PKHD1: variants seen among roughly 807,000 people sequenced by gnomAD.
PKHD1 encodes fibrocystin.
Under a neutral mutation model 412.0 loss-of-function variants are expected in PKHD1, and 291 were observed. The ratio of observed to expected loss-of-function variants is 0.71; its 90% CI spans 0.64 to 0.78. The LOEUF is 0.78. Ranked by LOEUF, PKHD1 falls within the 30% of genes least tolerant of loss-of-function variation. The pLI, the probability that PKHD1 is intolerant of heterozygous loss-of-function variation, is 0.00. For synonymous variants in PKHD1, 1,777 were observed against 1,821.5 expected (o/e 0.98, Z 0.62); for missense variants, 4,825 against 4,950.7 (o/e 0.97, Z 0.76).
At chr6:52,056,616 G>A in intron 18 of PKHD1, 82 bp downstream of exon 18, 1 of 1,061,240 alleles carries the variant, frequency 9.4e-7, no homozygotes, top group Non-Finnish European at 1.5e-6. Flanking sequence ...ACCTTGGAGA[G>A]GAAATGGGGA....
At chr6:51,717,319 G>A (rs1422310504) in intron 60 of PKHD1, among the ~76,000 whole-genome samples, 1 of 151,730 alleles carries the variant, frequency 6.6e-6, no homozygotes, top group East Asian at 1.9e-4. Context: ...GGCTGAGGGA[G>A]AAGGATTTCT....
intron 55 of PKHD1, among the ~76,000 whole-genome samples, chr6:51,755,801 C>T (rs903367996): frequency 4.6e-5 from 7 of 152,132 alleles, no homozygotes; most frequent in African/African-American, 1.7e-4. Flanking sequence ...GGCATTCAAT[C>T]ATGCAACCTT....
chr6:52,039,285 A>G (rs753509622), intron 27 of PKHD1, among the ~76,000 whole-genome samples: 3 of 152,310 alleles, frequency 2.0e-5, no homozygotes, highest in Non-Finnish European at 4.4e-5. Context: ...ACCCAAATAT[A>G]TCAAATTGTA....
chr6:51,744,563 C>T lies in PKHD1; in HGVS notation c.9999-21G>A, dbSNP rs760750292. ...CTTTCCTGTGAAGACAGTCAAAAAGCAACTCTTTCATTTCATGATAAGCAG... is the reference window on the plus strand; with the variant it reads ...CTTTCCTGTGAAGACAGTCAAAAAGTAACTCTTTCATTTCATGATAAGCAG... On this transcript the variant is annotated intron_variant, in intron 59 of 66. Coordinates refer to ENST00000371117, the MANE Select transcript of PKHD1 (RefSeq NM_138694.4). 5 of 1,598,052 alleles carry T rather than the reference C, an allele frequency of 3.1e-6. No homozygotes were observed. In the African/African-American group the frequency reaches 5.4e-5, roughly 17 times the overall value.
In PKHD1 at chr6:51,960,161, A is replaced by C. The variant is rs60533965; in HGVS notation, c.5752-135T>G. ...GGCGGGATAGTATAAGTATTGAATC[A>C]AAATAGAAACTTCTCAAAGAAAGTA... On this transcript the variant is annotated intron_variant, in intron 35 of 66. Coordinates refer to ENST00000371117, the MANE Select transcript of PKHD1 (RefSeq NM_138694.4). The C allele has an allele frequency of 5.1e-3, 3,972 of 781,716 alleles. 88 individuals are homozygous for C. In the East Asian group the frequency reaches 0.051, roughly 10 times the overall value. 48.4% of individuals were successfully genotyped at this position (781,716 alleles called of 1,614,324 possible). A position where few individuals can be genotyped will look rare whatever the true frequency, so the allele number is the denominator to read the frequency against.
In PKHD1 at chr6:51,906,226, G is replaced by T. The variant is rs755286726; in HGVS notation, c.6797C>A (p.Ala2266Glu). 3.7e-6 allele frequency: 6 copies of T among 1,611,504 alleles called. No homozygotes were observed. In the South Asian group the frequency reaches 5.5e-5, roughly 15 times the overall value. Reference sequence around the variant, plus strand: ...CTTGTTTTACTTACCAACTAGCAGCGCATGACCTAAAATATTGTAGAATAC... The same window carrying T: ...CTTGTTTTACTTACCAACTAGCAGCTCATGACCTAAAATATTGTAGAATAC... ...SNVFYNILGH[A>E]LLVGTCTEMR... The change falls in exon 41 of 67, where the codon GCG becomes GAG. Residue 2266 changes from alanine to glutamate, a missense_variant. Coordinates refer to ENST00000371117, the MANE Select transcript of PKHD1 (RefSeq NM_138694.4).
At chr6:51,643,211 A>G (rs893503312) in intron 63 of PKHD1, among the ~76,000 whole-genome samples, 14 of 152,156 alleles carry the variant, frequency 9.2e-5, no homozygotes, top group African/African-American at 3.4e-4. Context: ...GGCAGTTCGA[A>G]ATGCAATTCT....
chr6:51,698,260 A>G (rs1779032645), intron 60 of PKHD1, among the ~76,000 whole-genome samples: 1 of 152,228 alleles, frequency 6.6e-6, no homozygotes, highest in South Asian at 2.1e-4. Context: ...CTCATTGCAG[A>G]GTAGAAAATC....
intron 45 of PKHD1, among the ~76,000 whole-genome samples, chr6:51,884,824 G>A (rs1777950264): frequency 6.6e-6 from 1 of 151,180 alleles, no homozygotes; most frequent in Non-Finnish European, 1.5e-5. Context: ...TGCATAAGAG[G>A]GCACTCAACA....
intron 60 of PKHD1, among the ~76,000 whole-genome samples, chr6:51,697,852 G>C (rs1778980850): frequency 1.3e-5 from 2 of 152,108 alleles, no homozygotes; most frequent in South Asian, 2.1e-4. Context: ...TTGCAATATG[G>C]CTTGTCTCCT....
chr6:51,699,105 G>T (rs1023775131), intron 60 of PKHD1, among the ~76,000 whole-genome samples: 1 of 152,050 alleles, frequency 6.6e-6, no homozygotes, highest in Admixed American at 6.6e-5. Context: ...TTCTCATATG[G>T]TAATTTTTTT....
At chr6:51,766,126 T>C (rs1380496701) in intron 55 of PKHD1, among the ~76,000 whole-genome samples, 1 of 152,182 alleles carries the variant, frequency 6.6e-6, no homozygotes, top group East Asian at 1.9e-4. Context: ...CTCCAGATCA[T>C]AGCTCAATGT....
intron 60 of PKHD1, among the ~76,000 whole-genome samples, chr6:51,730,278 A>G (rs1783080451): frequency 6.6e-6 from 1 of 152,140 alleles, no homozygotes. Context: ...TGATTCATGC[A>G]AAGAAGTATC....
chr6:51,677,074 T>C (rs1019699224), intron 60 of PKHD1, among the ~76,000 whole-genome samples: 2 of 152,162 alleles, frequency 1.3e-5, no homozygotes, highest in Non-Finnish European at 2.9e-5. Flanking sequence ...AAAAGATATA[T>C]ATGCTTGCAC....
At chr6:51,888,772 T>G (rs2127562357) in intron 43 of PKHD1, among the ~76,000 whole-genome samples, 1 of 150,970 alleles carries the variant, frequency 6.6e-6, no homozygotes, top group Non-Finnish European at 1.5e-5. Context: ...TCTGCTTTCC[T>G]GAATCACATC....
intron 60 of PKHD1, among the ~76,000 whole-genome samples, chr6:51,739,115 ATTT>A (rs199591072): frequency 1.4e-5 from 2 of 146,396 alleles, no homozygotes; most frequent in Admixed American, 1.4e-4. Context: ...ATATTTATAT[ATTT>A]TTTTACATAT....
At position 51,939,413 on chromosome 6, in the gene PKHD1, T is replaced by C. The variant is rs1209373157; in HGVS notation, c.5909-5091A>G. 2.6e-5 allele frequency among the ~76,000 whole-genome samples: 4 copies of C among 151,346 alleles called. No homozygotes were observed. In the East Asian group the frequency reaches 5.8e-4, roughly 22 times the overall value. On this transcript the variant is annotated intron_variant, in intron 36 of 66. Coordinates refer to ENST00000371117, the MANE Select transcript of PKHD1 (RefSeq NM_138694.4). ...TCGCCTCCTTCACTATGGGCAGCCT[T>C]CCACCCTCCATTCCTCCTTCTCCCT...
chr6:51,939,638 A>G (rs953297038), intron 36 of PKHD1, among the ~76,000 whole-genome samples: 4 of 151,526 alleles, frequency 2.6e-5, no homozygotes, highest in African/African-American at 4.8e-5. Flanking sequence ...ACCGTCTGAG[A>G]TGCCTGACGT....
intron 27 of PKHD1, among the ~76,000 whole-genome samples, chr6:52,038,632 C>A (rs768230328): frequency 6.6e-6 from 1 of 152,076 alleles, no homozygotes; most frequent in Non-Finnish European, 1.5e-5. Context: ...AATTATGGGA[C>A]AATAAATTTT....
Sources: allele counts gnomAD v4.1 joint callset (sites outside exome capture counted in the v4.1 genomes callset), GRCh38; gene constraint gnomAD v4.1.1; transcripts MANE v1.5; gene names NCBI Gene and HGNC (gene_info 2026-07-23, HGNC 2026-07-21).